FLRT2: variants seen among roughly 807,000 people sequenced by gnomAD.
The protein encoded by FLRT2 is leucine-rich repeat transmembrane protein FLRT2.
Under a neutral mutation model 40.0 loss-of-function variants are expected in FLRT2, and 15 were observed. The ratio of observed to expected loss-of-function variants is 0.38; its 90% CI spans 0.25 to 0.58. The LOEUF is 0.58. Among genes scored for constraint, FLRT2 ranks in the 20% least tolerant of loss-of-function variants. FLRT2 has a pLI of 0.71. For missense variants in FLRT2, 726 were observed against 840.0 expected, an observed-to-expected ratio of 0.86 and a Z score of 1.68; for synonymous variants, 380 against 336.8, an observed-to-expected ratio of 1.13 and a Z score of -1.41.
intron 1 of FLRT2, among the ~76,000 whole-genome samples, chr14:85,570,611 T>C (rs934920196): frequency 2.1e-5 from 3 of 145,622 alleles, no homozygotes; most frequent in African/African-American, 7.6e-5. Flanking sequence ...AGACAGAATC[T>C]CACTCTGTCG....
chr14:85,534,132 G>C (rs990501411), intron 1 of FLRT2, among the ~76,000 whole-genome samples: 1 of 152,192 alleles, frequency 6.6e-6, no homozygotes, highest in East Asian at 1.9e-4. Flanking sequence ...TGAGCACCGA[G>C]CGCTGGCAGA....
rs149128654 is a variant in FLRT2 at position 85,622,238 on chromosome 14, C to T, written c.724C>T (p.Leu242=). 1.9e-6 allele frequency: 3 copies of T among 1,614,032 alleles called. No homozygotes were observed. The highest frequency in any genetic ancestry group is 1.7e-6 in the Non-Finnish European group (2 of 1,180,022). Residue 242 remains leucine (L), a synonymous_variant, in exon 2 of 2, where the codon CTG becomes TTG. Coordinates refer to ENST00000330753, the MANE Select transcript of FLRT2 (RefSeq NM_013231.6). ...LKEFSIVRNS[L]SHPPPDLPGT... is the part of the protein sequence containing the mutation. ...GGAATTTTCAATTGTACGTAATTCG[C>T]TGTCCCACCCTCCTCCCGATCTCCC...
intron 1 of FLRT2, among the ~76,000 whole-genome samples, chr14:85,604,819 C>T (rs545682927): frequency 6.6e-6 from 1 of 152,246 alleles, no homozygotes; most frequent in South Asian, 2.1e-4. Context: ...AGAAATTAGT[C>T]TTTCCTGCTG....
At chr14:85,570,729 C>G (rs1890851972) in intron 1 of FLRT2, among the ~76,000 whole-genome samples, 1 of 151,612 alleles carries the variant, frequency 6.6e-6, no homozygotes, top group Non-Finnish European at 1.5e-5. Context: ...CTCCAGGCAC[C>G]CGCCACCATG....
chr14:85,624,038 T>C lies in FLRT2; in HGVS notation c.*541T>C, dbSNP rs1384002922. The C allele has an allele frequency of 6.0e-6, 1 of 167,100 alleles. No homozygotes were observed. Among genetic ancestry groups the C allele is most frequent in the Admixed American group, 6.5e-5 (1 of 15,282 alleles). The allele number at this position is 167,100 out of a possible 1,614,324, so 10.4% of individuals were successfully genotyped here. ...AGGTAGTTACCCTGATTTGACCCTG[T>C]GTGGGAAATGCTGAAAGCACCAGGA... On this transcript the variant is annotated 3_prime_UTR_variant, in exon 2 of 2. Coordinates refer to ENST00000330753, the MANE Select transcript of FLRT2 (RefSeq NM_013231.6).
In FLRT2 at chr14:85,628,726, A is replaced by G. The variant is rs970687341; in HGVS notation, c.*5229A>G. On this transcript the variant is annotated 3_prime_UTR_variant, in exon 2 of 2. Transcript: ENST00000330753. The stretch of plus-strand genomic sequence containing the variant: ...CTGTTTGTAGAATCTCTGTTGGAAC[A>G]TTGACTATGAAAGACAGTGCTAACA... 6.6e-6 allele frequency: 1 copy of G among 152,204 alleles called. No individual in the cohort carries two copies. The highest frequency in any genetic ancestry group is 1.5e-5 in the Non-Finnish European group (1 of 68,040). The allele number at this position is 152,204 out of a possible 1,614,324, so 9.4% of individuals were successfully genotyped here. A position where few individuals can be genotyped will look rare whatever the true frequency, so the allele number is the denominator to read the frequency against.
At chr14:85,532,922 G>A (rs1304232755) in intron 1 of FLRT2, among the ~76,000 whole-genome samples, 1 of 152,224 alleles carries the variant, frequency 6.6e-6, no homozygotes, top group Non-Finnish European at 1.5e-5. Context: ...TCAGGGTTCA[G>A]ATGGTGACAT....
At position 85,530,333 on chromosome 14, in the gene FLRT2, C is replaced by T. The variant is rs1022820245; in HGVS notation, c.-578C>T. On this transcript the variant is annotated 5_prime_UTR_variant, in exon 1 of 2. Coordinates refer to ENST00000330753, the MANE Select transcript of FLRT2 (RefSeq NM_013231.6). ...CCCAGCAGCGGCGAGGCGGCATCTCCGCTCCCGCCGCCGTGTCCACCGAGC... is the reference window on the plus strand; with the variant it reads ...CCCAGCAGCGGCGAGGCGGCATCTCTGCTCCCGCCGCCGTGTCCACCGAGC... The T allele has an allele frequency of 6.5e-6, 1 of 152,686 alleles. No homozygotes were observed. The highest frequency in any genetic ancestry group is 1.5e-5 in the Non-Finnish European group (1 of 68,108). The allele number at this position is 152,686 out of a possible 1,614,324, so 9.5% of individuals were successfully genotyped here.
intron 1 of FLRT2, among the ~76,000 whole-genome samples, chr14:85,577,722 G>C (rs559213081): frequency 4.4e-4 from 67 of 152,010 alleles, no homozygotes; most frequent in Non-Finnish European, 7.9e-4. Context: ...GAGTAGCTAA[G>C]ACTACAGGAG....
intron 1 of FLRT2, among the ~76,000 whole-genome samples, chr14:85,616,218 C>T (rs112753527): frequency 0.023 from 3,463 of 151,588 alleles, 137 homozygotes; most frequent in African/African-American, 0.08. Context: ...CTGTTTTTAC[C>T]TAGCACCTGC....
chr14:85,531,086 T>A (rs1888240438), intron 1 of FLRT2: 1 of 152,326 alleles, frequency 6.6e-6, no homozygotes, highest in Non-Finnish European at 1.5e-5. Context: ...GTGGGGCTTT[T>A]TCCAAAACCA....
At chr14:85,578,907 G>T (rs971748714) in intron 1 of FLRT2, among the ~76,000 whole-genome samples, 2 of 152,196 alleles carry the variant, frequency 1.3e-5, no homozygotes, top group Non-Finnish European at 2.9e-5. Context: ...AAAGGCTGGA[G>T]ATGTCTTGCA....
chr14:85,549,048 G>C (rs996603105), intron 1 of FLRT2, among the ~76,000 whole-genome samples: 1 of 152,154 alleles, frequency 6.6e-6, no homozygotes, highest in Admixed American at 6.5e-5. Context: ...TCCAGGGGAA[G>C]ACCACCTTCC....
intron 1 of FLRT2, among the ~76,000 whole-genome samples, chr14:85,585,714 T>C (rs1891584350): frequency 6.6e-6 from 1 of 152,102 alleles, no homozygotes; most frequent in South Asian, 2.1e-4. Flanking sequence ...GGGTGAACCT[T>C]GTTTTTCTCA....
intron 1 of FLRT2, among the ~76,000 whole-genome samples, chr14:85,570,266 G>A (rs952957124): frequency 6.6e-6 from 1 of 152,186 alleles, no homozygotes; most frequent in African/African-American, 2.4e-5. Context: ...TAGATTCTAT[G>A]TGAGGATATT....
intron 1 of FLRT2, among the ~76,000 whole-genome samples, chr14:85,587,303 A>AAAAAAG (rs1555368490): frequency 2.0e-5 from 3 of 147,584 alleles, no homozygotes; most frequent in Non-Finnish European, 4.5e-5. Context: ...AAAAAAAAAA[A>AAAAAAG]AAGAAGAAAG....
At chr14:85,532,710 T>A (rs978070806) in intron 1 of FLRT2, among the ~76,000 whole-genome samples, 2 of 152,170 alleles carry the variant, frequency 1.3e-5, no homozygotes, top group Non-Finnish European at 2.9e-5. Context: ...TTTAAGGTGG[T>A]CCAGGATGAG....
intron 1 of FLRT2, among the ~76,000 whole-genome samples, chr14:85,593,371 A>T (rs1341807249): frequency 3.3e-5 from 5 of 152,106 alleles, no homozygotes; most frequent in African/African-American, 7.2e-5. Context: ...TAATGTTCAA[A>T]CTCTTTTTCT....
chr14:85,570,537 T>G (rs975507491), intron 1 of FLRT2, among the ~76,000 whole-genome samples: 2 of 150,892 alleles, frequency 1.3e-5, no homozygotes, highest in African/African-American at 4.9e-5. Flanking sequence ...GTATTTCCCT[T>G]TAAATTCTCC....
Sources: gnomAD v4.1 joint callset for allele counts (sites outside exome capture counted in the v4.1 genomes callset) on GRCh38, gnomAD v4.1.1 for gene constraint, MANE v1.5 for transcripts, NCBI Gene and HGNC (gene_info 2026-07-23, HGNC 2026-07-21) for gene names.